The following MECOM variants were observed in gnomAD, a reference collection of about 807,000 sequenced individuals.
MECOM encodes the protein histone-lysine N-methyltransferase MECOM.
In MECOM, 13 loss-of-function variants were observed where a neutral mutation model predicts 116.3. The ratio of observed to expected loss-of-function variants is 0.11; its 90% CI spans 0.07 to 0.18. The LOEUF is 0.18. Among genes scored for constraint, MECOM ranks in the 10% least tolerant of loss-of-function variants. MECOM has a pLI of 1.00. For missense variants in MECOM, 1,299 were observed against 1,509.0 expected (o/e 0.86, Z 2.31); for synonymous variants, 528 against 535.2 (o/e 0.99, Z 0.19).
At chr3:169,220,723 C>T (rs1158463857) in intron 2 of MECOM, among the ~76,000 whole-genome samples, 1 of 152,170 alleles carries the variant, frequency 6.6e-6, no homozygotes. Flanking sequence ...GATCCACCCA[C>T]CTGGGTCTTC....
intron 2 of MECOM, chr3:169,147,561 C>T (rs1740284055): frequency 1.0e-6 from 1 of 985,264 alleles, no homozygotes; most frequent in South Asian, 4.7e-5. Context: ...TCGCCAAGAC[C>T]CAAGTCCTAT....
At chr3:169,454,729 G>A (rs1287434663) in intron 1 of MECOM, among the ~76,000 whole-genome samples, 1 of 152,000 alleles carries the variant, frequency 6.6e-6, no homozygotes, top group African/African-American at 2.4e-5. Flanking sequence ...AAACTGAAAA[G>A]TGACCACTTT....
At chr3:169,184,031 A>AT (rs1455220952) in intron 2 of MECOM, among the ~76,000 whole-genome samples, 4 of 151,344 alleles carry the variant, frequency 2.6e-5, no homozygotes, top group African/African-American at 9.7e-5. Context: ...CACCCGGCTA[A>AT]TTTTTTGTAT....
At chr3:169,467,268 GC>G (rs749710016) in intron 1 of MECOM, among the ~76,000 whole-genome samples, 44 of 152,204 alleles carry the variant, frequency 2.9e-4, no homozygotes, top group Non-Finnish European at 5.4e-4. Context: ...GAAAACAATA[GC>G]ACAGGGCAAG....
At chr3:169,102,934 AAGACAGGGGG>A (rs1052505522) in intron 10 of MECOM, among the ~76,000 whole-genome samples, 11 of 151,886 alleles carry the variant, frequency 7.2e-5, no homozygotes, top group African/African-American at 2.7e-4. Context: ...TGTGCCTTGT[AAGACAGGGGG>A]AGCAGTTTAT....
chr3:169,354,149 T>C (rs1418220465), intron 2 of MECOM, among the ~76,000 whole-genome samples: 1 of 151,796 alleles, frequency 6.6e-6, no homozygotes, highest in South Asian at 2.1e-4. Context: ...AGTAAAAAAT[T>C]AAAATATTGT....
intron 1 of MECOM, among the ~76,000 whole-genome samples, chr3:169,647,747 T>C (rs1774364418): frequency 6.6e-6 from 1 of 152,166 alleles, no homozygotes; most frequent in Non-Finnish European, 1.5e-5. Flanking sequence ...GATAAAAGCT[T>C]ATACATATGT....
chr3:169,445,296 C>T (rs1744436342), intron 1 of MECOM, among the ~76,000 whole-genome samples: 3 of 152,088 alleles, frequency 2.0e-5, no homozygotes, highest in Admixed American at 1.3e-4. Flanking sequence ...CCCAGGGTCC[C>T]CATGCTGTTT....
intron 2 of MECOM, among the ~76,000 whole-genome samples, chr3:169,309,843 C>T (rs1441184613): frequency 6.6e-6 from 1 of 152,190 alleles, no homozygotes; most frequent in Non-Finnish European, 1.5e-5. Context: ...GTTTCCTCAC[C>T]TGTAAAGCGA....
At chr3:169,197,650 C>T (rs1282909058) in intron 2 of MECOM, among the ~76,000 whole-genome samples, 3 of 151,922 alleles carry the variant, frequency 2.0e-5, no homozygotes, top group South Asian at 2.1e-4. Flanking sequence ...TTAAAAAGTG[C>T]TCCTGTGAAT....
chr3:169,630,050 G>A lies in MECOM; in HGVS notation c.37+33286C>T, dbSNP rs1771890712. Among the ~76,000 whole-genome samples, 5 of 152,266 alleles carry A rather than the reference G, an allele frequency of 3.3e-5. No homozygotes were observed. In the South Asian group the frequency reaches 1.0e-3, roughly 32 times the overall value. Reference sequence around the variant, plus strand: ...CCATCTGAACAACTCCCAGCATGATGGGCAGATGGAAAGAGAGTGGCTTGT... The same window carrying A: ...CCATCTGAACAACTCCCAGCATGATAGGCAGATGGAAAGAGAGTGGCTTGT... On this transcript the variant is annotated intron_variant, in intron 1 of 16. Transcript: ENST00000651503.
intron 2 of MECOM, among the ~76,000 whole-genome samples, chr3:169,371,814 T>C (rs560887619): frequency 1.3e-5 from 2 of 152,168 alleles, no homozygotes; most frequent in Admixed American, 6.6e-5. Flanking sequence ...TTGTTAGGTA[T>C]CTTAGAAGTG....
chr3:169,477,099 G>GTATA (rs1750541405), intron 1 of MECOM: 1 of 46,234 alleles, frequency 2.2e-5, no homozygotes, highest in African/African-American at 1.1e-4. Flanking sequence ...GTGTGTGTGT[G>GTATA]TGTGTGTATA....
At chr3:169,167,406 G>T (rs1559943291) in intron 2 of MECOM, among the ~76,000 whole-genome samples, 1 of 152,184 alleles carries the variant, frequency 6.6e-6, no homozygotes, top group African/African-American at 2.4e-5. Flanking sequence ...TGGGCAGGGA[G>T]TGGAGAAATA....
chr3:169,087,196 C>G (rs966945234), intron 16 of MECOM, among the ~76,000 whole-genome samples: 3 of 151,970 alleles, frequency 2.0e-5, no homozygotes, highest in Non-Finnish European at 4.4e-5. Context: ...GTTTTCAGGC[C>G]CTTTTGCTTT....
chr3:169,339,436 T>A (rs193029696), intron 2 of MECOM, among the ~76,000 whole-genome samples: 1 of 152,156 alleles, frequency 6.6e-6, no homozygotes, highest in Non-Finnish European at 1.5e-5. Flanking sequence ...GAGAAAAACA[T>A]CCATTTTAAA....
chr3:169,530,854 A>T (rs775848320), intron 1 of MECOM, among the ~76,000 whole-genome samples: 1 of 152,072 alleles, frequency 6.6e-6, no homozygotes. Flanking sequence ...TAGTTTTAAT[A>T]GTAAAAATAT....
At chr3:169,321,247 A>G (rs1037171857) in intron 2 of MECOM, among the ~76,000 whole-genome samples, 2 of 152,266 alleles carry the variant, frequency 1.3e-5, no homozygotes, top group African/African-American at 4.8e-5. Flanking sequence ...GTGCTGTTAG[A>G]ATACAAAGAG....
intron 1 of MECOM, among the ~76,000 whole-genome samples, chr3:169,435,963 C>T (rs1742563069): frequency 6.6e-6 from 1 of 152,182 alleles, no homozygotes; most frequent in African/African-American, 2.4e-5. Flanking sequence ...TTCAATGTAT[C>T]TGGCTGTATT....
Sources: allele counts gnomAD v4.1 joint callset (sites outside exome capture counted in the v4.1 genomes callset), GRCh38; gene constraint gnomAD v4.1.1; transcripts MANE v1.5; gene names NCBI Gene and HGNC (gene_info 2026-07-23, HGNC 2026-07-21).